TRIOBP: variants seen among roughly 807,000 people sequenced by gnomAD.
TRIOBP encodes TRIO and F-actin binding protein, also known as TRIO and F-actin-binding protein.
In TRIOBP, 169 loss-of-function variants were observed where a neutral mutation model predicts 238.8. The observed-to-expected ratio is 0.71, with a 90% CI of 0.62 to 0.80. TRIOBP has a LOEUF of 0.80. Among genes scored for constraint, TRIOBP ranks in the 30% least tolerant of loss-of-function variants. The pLI, the probability that TRIOBP is intolerant of heterozygous loss-of-function variation, is 0.00. For missense variants in TRIOBP, 2,838 were observed against 3,122.6 expected (o/e 0.91, Z 2.17); for synonymous variants, 1,150 against 1,274.4 (o/e 0.90, Z 2.08).
chr22:37,748,217 T>C (rs1187751101), intron 11 of TRIOBP, among the ~76,000 whole-genome samples: 4 of 152,284 alleles, frequency 2.6e-5, no homozygotes, highest in Admixed American at 6.5e-5. Flanking sequence ...ATAGTGTTCA[T>C]TGAGTTCATC....
At chr22:37,707,271 T>TC (rs761322699) in intron 3 of TRIOBP, among the ~76,000 whole-genome samples, 7 of 151,548 alleles carry the variant, frequency 4.6e-5, no homozygotes, top group Non-Finnish European at 7.4e-5. Context: ...AGCGAAAAAC[T>TC]CCATCTCAAA....
intron 10 of TRIOBP, among the ~76,000 whole-genome samples, chr22:37,740,096 T>C (rs79855558): frequency 6.6e-6 from 1 of 152,198 alleles, no homozygotes; most frequent in South Asian, 2.1e-4. Context: ...AGGACTGTGA[T>C]GGGGAATGTG....
chr22:37,712,270 C>T (rs1923288891), intron 4 of TRIOBP, among the ~76,000 whole-genome samples: 1 of 152,098 alleles, frequency 6.6e-6, no homozygotes, highest in African/African-American at 2.4e-5. Context: ...TCACTGCAAC[C>T]TCAGCCTCCC....
rs11428898 is a variant in TRIOBP at position 37,754,417 on chromosome 22, C to CAA, written c.5380-442_5380-441dup. Among the ~76,000 whole-genome samples, 536 of 82,692 alleles carry CAA rather than the reference C, an allele frequency of 6.5e-3. 10 individuals are homozygous for CAA. The highest frequency in any genetic ancestry group is 0.016 in the African/African-American group (366 of 22,480). The allele number at this position is 82,692 out of a possible 152,430, so 54.2% of individuals were successfully genotyped here. A position where few individuals can be genotyped will look rare whatever the true frequency, so the allele number is the denominator to read the frequency against. ...CAACAAGAGCAAAACTCCTCCATCTCAAAAAAAAAAAAAAAAAAAGGCAGC... is the reference window on the plus strand; with the variant it reads ...CAACAAGAGCAAAACTCCTCCATCTCAAAAAAAAAAAAAAAAAAAAAGGCAGC... On this transcript the variant is annotated intron_variant, in intron 12 of 23. Coordinates refer to ENST00000644935, the MANE Select transcript of TRIOBP (RefSeq NM_001039141.3).
chr22:37,769,002 T>C, intron 19 of TRIOBP, 26 bp from the exon 20 acceptor site: 1 of 1,612,820 alleles, frequency 6.2e-7, no homozygotes, highest in Non-Finnish European at 8.5e-7. Flanking sequence ...CAACCTATGC[T>C]CTCCTCTGCT....
chr22:37,699,240 C>A (rs1373725982), intron 2 of TRIOBP, among the ~76,000 whole-genome samples: 2 of 152,122 alleles, frequency 1.3e-5, no homozygotes, highest in Non-Finnish European at 2.9e-5. Context: ...TTAGGCTGTT[C>A]ACGTTTGTCA....
rs34560689 is a variant in TRIOBP, at chr22:37,708,247, C to CA, written c.115-2159dup. On this transcript the variant is annotated intron_variant, in intron 3 of 23. Coordinates refer to ENST00000644935, the MANE Select transcript of TRIOBP (RefSeq NM_001039141.3). ...AGCGACAGAGTGAGACTCCGTCTCA[C>CA]AAAAAAAAAAAAAAAAAAAAATTGA... Among the ~76,000 whole-genome samples the CA allele has an allele frequency of 7.5e-3, 640 of 85,062 alleles. 13 individuals are homozygous for CA. The highest frequency in any genetic ancestry group is 0.02 in the African/African-American group (472 of 23,164). 55.8% of individuals were successfully genotyped at this position (85,062 alleles called of 152,430 possible).
chr22:37,758,249 C>T, intron 16 of TRIOBP, 111 bp downstream of exon 16: 7 of 1,367,658 alleles, frequency 5.1e-6, no homozygotes, highest in Non-Finnish European at 7.1e-6. Flanking sequence ...GGGAGCTCAC[C>T]CCTGATCTGC....
chr22:37,771,944 C>T (rs775278058), intron 22 of TRIOBP: 9 of 683,072 alleles, frequency 1.3e-5, no homozygotes, highest in South Asian at 9.1e-5. Context: ...CAAGGCTGTA[C>T]TTGGCTTCTG....
Position 37,774,513 on chromosome 22 carries a change from G to C in TRIOBP, c.*733G>C, listed in dbSNP as rs1926945954. On this transcript the variant is annotated 3_prime_UTR_variant, in exon 24 of 24. Coordinates refer to ENST00000644935, the MANE Select transcript of TRIOBP (RefSeq NM_001039141.3). ...CTTAATAAAACGTTCCAGCAGCTCT[G>C]GTGTCCTAGATGGCTGGCAGAACAG... The C allele has an allele frequency of 6.6e-6, 1 of 152,240 alleles. No individual in the cohort carries two copies. The highest frequency in any genetic ancestry group is 2.4e-5 in the African/African-American group (1 of 41,448). The allele number at this position is 152,240 out of a possible 1,614,324, so 9.4% of individuals were successfully genotyped here. A position where few individuals can be genotyped will look rare whatever the true frequency, so the allele number is the denominator to read the frequency against.
chr22:37,753,265 GTTTTTTA>G (rs1430106728), intron 12 of TRIOBP, among the ~76,000 whole-genome samples: 3 of 151,710 alleles, frequency 2.0e-5, no homozygotes, highest in Non-Finnish European at 4.4e-5. Flanking sequence ...TTCTTTTTTT[GTTTTTTA>G]TTTTTGTTTT....
At chr22:37,742,201 C>T (rs979058313) in intron 11 of TRIOBP, among the ~76,000 whole-genome samples, 3 of 151,428 alleles carry the variant, frequency 2.0e-5, no homozygotes, top group African/African-American at 7.3e-5. Flanking sequence ...TCAGGTAATC[C>T]GCCCACCTTG....
chr22:37,752,820 C>T (rs527719255), intron 12 of TRIOBP, among the ~76,000 whole-genome samples: 123 of 152,294 alleles, frequency 8.1e-4, no homozygotes, highest in African/African-American at 2.9e-3. Flanking sequence ...TCACAGGGTT[C>T]TGGAATGTCC....
intron 6 of TRIOBP, among the ~76,000 whole-genome samples, chr22:37,720,252 G>A (rs184252888): frequency 6.2e-4 from 94 of 151,934 alleles, no homozygotes; most frequent in African/African-American, 2.1e-3. Flanking sequence ...CAGGTGATCC[G>A]CTGATCCGCC....
intron 6 of TRIOBP, among the ~76,000 whole-genome samples, chr22:37,719,953 C>T (rs2145828837): frequency 1.7e-5 from 1 of 60,132 alleles, no homozygotes. Flanking sequence ...GTTAATCACA[C>T]CTCAGGCCCC....
In TRIOBP at chr22:37,772,593, C is replaced by T. The variant is rs778098111; in HGVS notation, c.6937-8C>T. The T allele has an allele frequency of 2.5e-6, 4 of 1,613,788 alleles. No homozygotes were observed. Among genetic ancestry groups the T allele is most frequent in the Admixed American group, 1.7e-5 (1 of 59,988 alleles). ...TTCATGCCCTCATACCTGCCTCCTGCCCCCCAGGACAAGCGCTTCACCTCG... is the reference window on the plus strand; with the variant it reads ...TTCATGCCCTCATACCTGCCTCCTGTCCCCCAGGACAAGCGCTTCACCTCG... On this transcript the variant is annotated splice_region_variant and splice_polypyrimidine_tract_variant and intron_variant, in intron 22 of 23. Transcript: ENST00000644935.
At chr22:37,721,677 C>T (rs544227368) in intron 6 of TRIOBP, among the ~76,000 whole-genome samples, 2 of 152,062 alleles carry the variant, frequency 1.3e-5, no homozygotes, top group Non-Finnish European at 2.9e-5. Context: ...GACAGGGTCT[C>T]GCCATGTTGC....
chr22:37,746,233 G>A (rs748322739), intron 11 of TRIOBP: 5 of 842,278 alleles, frequency 5.9e-6, no homozygotes, highest in Non-Finnish European at 7.0e-6. Context: ...AAAAAAAAAA[G>A]TTTTATGGGC....
At chr22:37,700,462 TC>T (rs201338044) in intron 2 of TRIOBP, among the ~76,000 whole-genome samples, 146 of 149,002 alleles carry the variant, frequency 9.8e-4, no homozygotes, top group Middle Eastern at 3.5e-3. Flanking sequence ...TTTTTTTTTT[TC>T]TCAGTGCAGT....
Sources: gnomAD v4.1 joint callset for allele counts (sites outside exome capture counted in the v4.1 genomes callset) on GRCh38, gnomAD v4.1.1 for gene constraint, MANE v1.5 for transcripts, NCBI Gene and HGNC (gene_info 2026-07-23, HGNC 2026-07-21) for gene names.